CDH23: variants seen among roughly 807,000 people sequenced by gnomAD.
The protein encoded by CDH23 is cadherin-23.
A neutral mutation model predicts 317.1 loss-of-function variants in CDH23; 189 were observed. The ratio of observed to expected loss-of-function variants is 0.60; its 90% CI spans 0.53 to 0.67. The LOEUF (loss-of-function observed/expected upper bound fraction) is 0.67. Ranked by LOEUF, CDH23 falls within the 30% of genes least tolerant of loss-of-function variation. The pLI, the probability that CDH23 is intolerant of heterozygous loss-of-function variation, is 0.00. For missense variants in CDH23, 4,401 were observed against 4,592.4 expected (o/e 0.96, Z 1.20); for synonymous variants, 1,839 against 1,876.8 (o/e 0.98, Z 0.52).
intron 8 of CDH23, among the ~76,000 whole-genome samples, chr10:71,575,897 A>T (rs1858155745): frequency 6.6e-6 from 1 of 152,236 alleles, no homozygotes; most frequent in Admixed American, 6.5e-5. Flanking sequence ...TTGTATTAAA[A>T]GCTCAGGGTT....
chr10:71,810,234 T>A (rs1294162089), intron 61 of CDH23, among the ~76,000 whole-genome samples, 158 bp downstream of exon 61: 1 of 152,328 alleles, frequency 6.6e-6, no homozygotes, highest in African/African-American at 2.4e-5. Context: ...GATAAAGTTC[T>A]CCCAGGTCTC....
At chr10:71,739,528 C>T in intron 35 of CDH23, 116 bp from the exon 36 acceptor site, 1 of 1,295,848 alleles carries the variant, frequency 7.7e-7, no homozygotes. Flanking sequence ...CTCCCAAAAG[C>T]CCTTGCTCAA....
intron 1 of CDH23, among the ~76,000 whole-genome samples, chr10:71,408,772 G>A (rs189748560): frequency 2.9e-4 from 44 of 152,340 alleles, no homozygotes; most frequent in Non-Finnish European, 5.4e-4. Context: ...CTTGGGAGCC[G>A]CTGTGGAGGG....
intron 18 of CDH23, among the ~76,000 whole-genome samples, chr10:71,683,656 G>A (rs1438131190): frequency 2.0e-5 from 3 of 152,222 alleles, no homozygotes; most frequent in African/African-American, 7.2e-5. Context: ...GGGGGGGCCA[G>A]GAGGATGAGG....
At chr10:71,522,128 G>GTTT (rs34189051) in intron 6 of CDH23, among the ~76,000 whole-genome samples, 1 of 148,082 alleles carries the variant, frequency 6.8e-6, no homozygotes. Context: ...GCTTACACAG[G>GTTT]TTTTTTTTTT....
At position 71,695,526 on chromosome 10, in the gene CDH23, G is replaced by T; in HGVS notation, c.2397+1G>T. 1 of 1,600,962 alleles carries T rather than the reference G, an allele frequency of 6.2e-7. No homozygotes were observed. The highest frequency in any genetic ancestry group is 8.6e-7 in the Non-Finnish European group (1 of 1,168,004). ...CCCTCCAGACTCTGATGTGACCACG[G>T]TAGGTGGTGGCAGAGCAGCAGAACT... is the stretch of plus-strand genomic sequence containing the variant. On this transcript the variant is annotated splice_donor_variant, in intron 22 of 69. Coordinates refer to ENST00000224721, the MANE Select transcript of CDH23 (RefSeq NM_022124.6). LOFTEE classifies it high-confidence loss of function.
At chr10:71,402,023 G>A (rs1043069163) in intron 1 of CDH23, among the ~76,000 whole-genome samples, 3 of 152,178 alleles carry the variant, frequency 2.0e-5, no homozygotes, top group Non-Finnish European at 4.4e-5. Flanking sequence ...TTAAAACGTA[G>A]CCACATGGAG....
At chr10:71,695,014 T>C (rs978620223) in intron 21 of CDH23, among the ~76,000 whole-genome samples, 1 of 152,142 alleles carries the variant, frequency 6.6e-6, no homozygotes, top group African/African-American at 2.4e-5. Context: ...CAGAGCCCTA[T>C]AAATAATGTA....
intron 14 of CDH23, among the ~76,000 whole-genome samples, chr10:71,663,048 A>G (rs886810274): frequency 6.6e-6 from 1 of 152,154 alleles, no homozygotes; most frequent in Admixed American, 6.5e-5. Context: ...CATTGGATTT[A>G]TGGCCTGCCC....
rs1377485979 is a variant in CDH23 at position 71,811,879 on chromosome 10, C to A, written c.9320-76C>A. 7 of 1,598,284 alleles carry A rather than the reference C, an allele frequency of 4.4e-6. No homozygotes were observed. The South Asian group carries it at 5.6e-5, about 13-fold the overall frequency. On this transcript the variant is annotated intron_variant, in intron 65 of 69. Transcript: ENST00000224721. ...CCCAGGACCATGCCCCGCACCCCAT[C>A]CTCCCTCACCCCCCAACACCACCCC...
Position 71,800,649 on chromosome 10 carries a change from T to C in CDH23, c.7376T>C (p.Val2459Ala), listed in dbSNP as rs924959129. The C allele has an allele frequency of 6.2e-7, 1 of 1,614,000 alleles. No homozygotes were observed. The highest frequency in any genetic ancestry group is 1.1e-5 in the South Asian group (1 of 91,076). ...AINPTTGDIY[V>A]LSSLDREKKD... ...TCCCCCTACTAGGGTGACATCTATG[T>C]GCTGTCTTCTCTGGACCGGGAGAAG... Residue 2459 changes from valine (V) to alanine (A), a missense_variant, in exon 53 of 70, where the codon GTG (valine) becomes GCG (alanine). Val to Ala is a moderately conservative substitution (Grantham distance 64). Transcript: ENST00000224721.
intron 6 of CDH23, among the ~76,000 whole-genome samples, chr10:71,523,325 A>G (rs1293392838): frequency 6.6e-6 from 1 of 152,142 alleles, no homozygotes; most frequent in Admixed American, 6.5e-5. Flanking sequence ...GGCCAGGGCA[A>G]TGGGAGAAGA....
At chr10:71,713,706 C>G (rs1293171907) in intron 28 of CDH23, 1 of 182,838 alleles carries the variant, frequency 5.5e-6, no homozygotes, top group African/African-American at 2.4e-5. Context: ...AGCATACCCC[C>G]CTGGCCTGGT....
At chr10:71,754,204 C>T (rs1356104101) in intron 38 of CDH23, among the ~76,000 whole-genome samples, 1 of 152,178 alleles carries the variant, frequency 6.6e-6, no homozygotes, top group East Asian at 1.9e-4. Flanking sequence ...TGCCCCCACC[C>T]ACCCCCAGCC....
At chr10:71,468,661 A>T (rs1474763087) in intron 3 of CDH23, among the ~76,000 whole-genome samples, 1 of 152,196 alleles carries the variant, frequency 6.6e-6, no homozygotes, top group Non-Finnish European at 1.5e-5. Context: ...CTGTCACTGG[A>T]AATGGTGTCT....
chr10:71,661,365 A>G (rs1863643412), intron 14 of CDH23, among the ~76,000 whole-genome samples: 1 of 152,132 alleles, frequency 6.6e-6, no homozygotes, highest in African/African-American at 2.4e-5. Flanking sequence ...CTGTATCGCC[A>G]CCTACAAACT....
chr10:71,705,948 G>A (rs2132742959), intron 25 of CDH23, among the ~76,000 whole-genome samples: 1 of 152,292 alleles, frequency 6.6e-6, no homozygotes, highest in East Asian at 1.9e-4. Flanking sequence ...CTAAGATGGT[G>A]AGGATTTCAG....
Position 71,779,313 on chromosome 10 carries a change from C to T in CDH23, c.5234C>T (p.Pro1745Leu), listed in dbSNP as rs771863134. 4 of 1,614,030 alleles carry T rather than the reference C, an allele frequency of 2.5e-6. 1 individual carries two copies. In the South Asian group the frequency reaches 4.4e-5, roughly 18 times the overall value. Residue 1745 changes from proline to leucine, a missense_variant, in exon 41 of 70, where the codon CCC becomes CTC. Coordinates refer to ENST00000224721, the MANE Select transcript of CDH23 (RefSeq NM_022124.6). Reference sequence around the variant, plus strand: ...ATCAACGACAATGTGCCTACCTTCCCCCGGGACTATGAGGGACCATTTGAA... The same window carrying T: ...ATCAACGACAATGTGCCTACCTTCCTCCGGGACTATGAGGGACCATTTGAA... ...NDINDNVPTF[P>L]RDYEGPFEVT...
chr10:71,798,342 C>T lies in CDH23; in HGVS notation c.6830-12C>T. 1.2e-6 allele frequency: 2 copies of T among 1,603,554 alleles called. No individual in the cohort carries two copies. Among genetic ancestry groups the T allele is most frequent in the African/African-American group, 1.3e-5 (1 of 74,820 alleles). Reference sequence around the variant, plus strand: ...TCCTTCCCCTCTCCCTCACTCCCTGCCTCCACCACAGCCAAGCTGACTGTC... The same window carrying T: ...TCCTTCCCCTCTCCCTCACTCCCTGTCTCCACCACAGCCAAGCTGACTGTC... On this transcript the variant is annotated splice_polypyrimidine_tract_variant and intron_variant, in intron 49 of 69. Coordinates refer to ENST00000224721, the MANE Select transcript of CDH23 (RefSeq NM_022124.6).
Sources: gnomAD v4.1 joint callset for allele counts (sites outside exome capture counted in the v4.1 genomes callset) on GRCh38, gnomAD v4.1.1 for gene constraint, MANE v1.5 for transcripts, NCBI Gene and HGNC (gene_info 2026-07-23, HGNC 2026-07-21) for gene names.